BANK1: variants seen among roughly 807,000 people sequenced by gnomAD.
The protein encoded by BANK1 is B cell scaffold protein with ankyrin repeats 1.
Under a neutral mutation model 94.5 loss-of-function variants are expected in BANK1, and 95 were observed. The ratio of observed to expected loss-of-function variants is 1.00; its 90% confidence interval spans 0.85 to 1.19. The LOEUF is 1.19. Among genes scored for constraint, BANK1 ranks in the 50% most tolerant of loss-of-function variants. The pLI, the probability that BANK1 is intolerant of heterozygous loss-of-function variation, is 0.00. For missense variants in BANK1, 987 were observed against 932.2 expected (o/e 1.06, Z -0.77); for synonymous variants, 334 against 308.4 (o/e 1.08, Z -0.87).
rs754653428 is a variant in BANK1 at position 102,073,793 on chromosome 4, C to T, written c.*5+45C>T. 3.0e-4 allele frequency: 447 copies of T among 1,465,836 alleles called. 5 individuals carry two copies. Among genetic ancestry groups the T allele is most frequent in the South Asian group, 1.5e-3 (123 of 84,284 alleles). 90.8% of individuals were successfully genotyped at this position (1,465,836 alleles called of 1,614,324 possible). A position where few individuals can be genotyped will look rare whatever the true frequency, so the allele number is the denominator to read the frequency against. On this transcript the variant is annotated intron_variant, in intron 16 of 16. Transcript: ENST00000322953. ...TATTTTTTAGAAAATCTAAAGCAGC[C>T]TTGTTAGGGACTTGAAGGTATCATT...
At chr4:101,962,132 G>A (rs182305147) in intron 7 of BANK1, among the ~76,000 whole-genome samples, 150 of 152,230 alleles carry the variant, frequency 9.9e-4, no homozygotes, top group Non-Finnish European at 1.5e-3. Flanking sequence ...CACATTCCTG[G>A]AGATTGTTCT....
Position 101,815,190 on chromosome 4 carries a change from G to A in BANK1, c.71-14618G>A, listed in dbSNP as rs563205017. ...TACCCACCCAGCCACAGGAGACCCC[G>A]GACCATAGGTCAGGAACTGTCAGAA... On this transcript the variant is annotated intron_variant, in intron 1 of 16. Coordinates refer to ENST00000322953, the MANE Select transcript of BANK1 (RefSeq NM_017935.5). 2.6e-5 allele frequency among the ~76,000 whole-genome samples: 4 copies of A among 152,186 alleles called. No individual in the cohort carries two copies. The South Asian group carries it at 6.2e-4, about 24-fold the overall frequency.
intron 7 of BANK1, among the ~76,000 whole-genome samples, chr4:102,008,045 T>C (rs1726362989): frequency 6.6e-6 from 1 of 152,196 alleles, no homozygotes; most frequent in Non-Finnish European, 1.5e-5. Context: ...GTAAGAAGTT[T>C]CATTTCCCAA....
At chr4:101,863,664 T>C (rs1415716335) in intron 4 of BANK1, among the ~76,000 whole-genome samples, 2 of 152,122 alleles carry the variant, frequency 1.3e-5, no homozygotes, top group Admixed American at 6.6e-5. Context: ...TAAACATTTA[T>C]AAACATTTCA....
Position 101,829,798 on chromosome 4 carries a change from C to G in BANK1, c.71-10C>G. The G allele has an allele frequency of 6.7e-7, 1 of 1,486,320 alleles. No homozygotes were observed. Among genetic ancestry groups the G allele is most frequent in the Non-Finnish European group, 9.0e-7 (1 of 1,109,170 alleles). The allele number at this position is 1,486,320 out of a possible 1,614,324, so 92.1% of individuals were successfully genotyped here. ...TTGCAAATATAAGAAAATATTTTTTCTTTTTCCAGGAAATACAAAAGATAT... is the reference window on the plus strand; with the variant it reads ...TTGCAAATATAAGAAAATATTTTTTGTTTTTCCAGGAAATACAAAAGATAT... On this transcript the variant is annotated splice_polypyrimidine_tract_variant and intron_variant, in intron 1 of 16. Coordinates refer to ENST00000322953, the MANE Select transcript of BANK1 (RefSeq NM_017935.5).
At chr4:102,053,859 G>T (rs1728134178) in intron 11 of BANK1, among the ~76,000 whole-genome samples, 1 of 151,444 alleles carries the variant, frequency 6.6e-6, no homozygotes, top group South Asian at 2.1e-4. Flanking sequence ...AGAAAAAAAT[G>T]TTTTTTCATT....
At chr4:101,966,084 C>T (rs1724745350) in intron 7 of BANK1, among the ~76,000 whole-genome samples, 1 of 152,026 alleles carries the variant, frequency 6.6e-6, no homozygotes, top group Non-Finnish European at 1.5e-5. Context: ...TTCTTCTGTT[C>T]TATTAGATTG....
chr4:101,794,794 A>G (rs989309635), intron 1 of BANK1, among the ~76,000 whole-genome samples: 5 of 151,940 alleles, frequency 3.3e-5, no homozygotes, highest in African/African-American at 7.3e-5. Context: ...AATAATCCAG[A>G]AAGATGACTT....
intron 1 of BANK1, among the ~76,000 whole-genome samples, chr4:101,800,551 A>G (rs1344153137): frequency 3.9e-5 from 6 of 152,080 alleles, no homozygotes; most frequent in African/African-American, 1.4e-4. Flanking sequence ...ATTCTCGTTA[A>G]AATCCTGTTT....
chr4:102,004,297 G>A lies in BANK1; in HGVS notation c.1207-17217G>A, dbSNP rs190850481. 2.0e-3 allele frequency among the ~76,000 whole-genome samples: 305 copies of A among 152,264 alleles called. 1 individual carries two copies. The highest frequency in any genetic ancestry group is 6.8e-3 in the Middle Eastern group (2 of 294). ...AATATCTAGGACTATAAATTCACCA[G>A]CATAAATGCTGGCTCTCAGGCTAGA... On this transcript the variant is annotated intron_variant, in intron 7 of 16. Transcript: ENST00000322953.
In BANK1 at chr4:102,030,084, G is replaced by T. The variant is rs749781056; in HGVS notation, c.1719G>T (p.Glu573Asp). 13 of 1,613,752 alleles carry T rather than the reference G, an allele frequency of 8.1e-6. No homozygotes were observed. The East Asian group carries it at 2.5e-4, about 30-fold the overall frequency. ...AAGAAGAGGAAAAAGAGCAGGAGGA[G>T]GAAGAAGACCCATATACTTTTGCTG... Reference protein sequence around the residue: ...EKKEEEKEQEEEEDPYTFAEI... With the variant: ...EKKEEEKEQEDEEDPYTFAEI... Residue 573 changes from glutamate (E) to aspartate (D), a missense_variant, in exon 10 of 17, where the codon GAG becomes GAT. Physicochemically the swap from Glu to Asp is conservative, Grantham distance 45 (BLOSUM62 2). Coordinates refer to ENST00000322953, the MANE Select transcript of BANK1 (RefSeq NM_017935.5).
In BANK1 at chr4:101,942,738, G is replaced by T. The variant is rs1179793955; in HGVS notation, c.1206+24549G>T. Among the ~76,000 whole-genome samples, 4 of 151,850 alleles carry T rather than the reference G, an allele frequency of 2.6e-5. No homozygotes were observed. In the South Asian group the frequency reaches 8.3e-4, roughly 31 times the overall value. ...GAAAGGGAAGATAAAGTCCTGGGTG[G>T]TAAATGAGAGAAAAGGTAGAAAAAT... On this transcript the variant is annotated intron_variant, in intron 7 of 16. Coordinates refer to ENST00000322953, the MANE Select transcript of BANK1 (RefSeq NM_017935.5).
intron 7 of BANK1, among the ~76,000 whole-genome samples, chr4:101,936,324 T>C (rs1242333819): frequency 7.3e-6 from 1 of 136,842 alleles, no homozygotes; most frequent in African/African-American, 2.5e-5. Context: ...CACATATGTA[T>C]CCATACATAT....
intron 7 of BANK1, among the ~76,000 whole-genome samples, chr4:101,989,054 T>C (rs978714862): frequency 6.6e-6 from 1 of 152,122 alleles, no homozygotes; most frequent in African/African-American, 2.4e-5. Flanking sequence ...CTGGCCACAA[T>C]GGCACCCACC....
intron 2 of BANK1, among the ~76,000 whole-genome samples, chr4:101,849,222 C>A (rs1229275914): frequency 1.3e-5 from 2 of 152,136 alleles, no homozygotes; most frequent in African/African-American, 4.8e-5. Context: ...TCCGCTTCTT[C>A]CAACCTCATC....
rs1245621307 is a variant in BANK1 at position 102,017,766 on chromosome 4, CT to C, written c.1207-3745del. 9.2e-5 allele frequency among the ~76,000 whole-genome samples: 14 copies of C among 152,238 alleles called. No homozygotes were observed. The South Asian group carries it at 2.9e-3, about 32-fold the overall frequency. On this transcript the variant is annotated intron_variant, in intron 7 of 16. Coordinates refer to ENST00000322953, the MANE Select transcript of BANK1 (RefSeq NM_017935.5). ...ACCTGATCACAATATCTTTTCATAA[CT>C]TTAGTTTTCTATAATAAGATCCTGT... is the stretch of plus-strand genomic sequence containing the variant.
chr4:101,916,475 C>T (rs1412715846), intron 6 of BANK1, among the ~76,000 whole-genome samples: 1 of 151,928 alleles, frequency 6.6e-6, no homozygotes, highest in Non-Finnish European at 1.5e-5. Flanking sequence ...ATATTCTAAA[C>T]TTGAGTATAT....
chr4:101,959,338 C>T (rs1421887998), intron 7 of BANK1, among the ~76,000 whole-genome samples: 1 of 152,038 alleles, frequency 6.6e-6, no homozygotes, highest in Non-Finnish European at 1.5e-5. Flanking sequence ...AGACATTTCA[C>T]CATATTGGCC....
At chr4:101,910,740 T>C (rs1251095787) in intron 6 of BANK1, among the ~76,000 whole-genome samples, 1 of 151,460 alleles carries the variant, frequency 6.6e-6, no homozygotes, top group Non-Finnish European at 1.5e-5. Flanking sequence ...GAAGTAGTCT[T>C]AGAGTGACTG....
Sources: allele counts gnomAD v4.1 joint callset (sites outside exome capture counted in the v4.1 genomes callset), GRCh38; gene constraint gnomAD v4.1.1; transcripts MANE v1.5; gene names NCBI Gene and HGNC (gene_info 2026-07-23, HGNC 2026-07-21).